Variants in FBXL13 observed in about 807,000 individuals in gnomAD.
FBXL13 encodes the protein F-box and leucine rich repeat protein 13.
FBXL13 carries 67 observed loss-of-function variants against 83.6 expected under a neutral mutation model. The observed-to-expected ratio is 0.80, with a 90% confidence interval of 0.66 to 0.98. The LOEUF is 0.98. Among genes scored for constraint, FBXL13 ranks in the 50% least tolerant of loss-of-function variants. FBXL13 has a pLI of 0.00. For synonymous variants in FBXL13, 272 were observed against 299.5 expected, an observed-to-expected ratio of 0.91 and a Z score of 0.95; for missense variants, 822 against 866.5, an observed-to-expected ratio of 0.95 and a Z score of 0.64.
chr7:103,015,696 T>G lies in FBXL13; in HGVS notation c.495+9367A>C, dbSNP rs545474231. Among the ~76,000 whole-genome samples, 3 of 150,186 alleles carry G rather than the reference T, an allele frequency of 2.0e-5. No individual in the cohort carries two copies. In the East Asian group the frequency reaches 5.9e-4, roughly 30 times the overall value. On this transcript the variant is annotated intron_variant, in intron 6 of 19. Transcript: ENST00000313221. The stretch of plus-strand genomic sequence containing the variant: ...CCTGTAATTCCAGTTATTTGGGTGG[T>G]TGAGGCATGAGAATTGCTTGAACCC...
intron 1 of FBXL13, among the ~76,000 whole-genome samples, chr7:103,064,754 T>A (rs1401290931): frequency 1.4e-4 from 21 of 152,216 alleles, no homozygotes; most frequent in Admixed American, 1.4e-3. Flanking sequence ...CTTCCAAATC[T>A]AGATCATAAA....
intron 14 of FBXL13, among the ~76,000 whole-genome samples, chr7:102,879,469 G>T (rs1351367670): frequency 2.0e-5 from 3 of 151,812 alleles, no homozygotes; most frequent in Non-Finnish European, 2.9e-5. Context: ...GTGTGTGTGT[G>T]TGTAGAAATT....
intron 6 of FBXL13, among the ~76,000 whole-genome samples, chr7:103,024,475 T>C (rs1394384042): frequency 7.2e-6 from 1 of 138,596 alleles, no homozygotes; most frequent in African/African-American, 2.7e-5. Flanking sequence ...TGCAGTGAGC[T>C]GAGATTGCAC....
intron 6 of FBXL13, among the ~76,000 whole-genome samples, chr7:103,022,016 A>C (rs1443008191): frequency 6.6e-6 from 1 of 152,196 alleles, no homozygotes; most frequent in Non-Finnish European, 1.5e-5. Flanking sequence ...TGCTGCTATA[A>C]AGACACATGC....
At chr7:102,915,913 A>G (rs1815761625) in intron 10 of FBXL13, among the ~76,000 whole-genome samples, 1 of 152,206 alleles carries the variant, frequency 6.6e-6, no homozygotes, top group Non-Finnish European at 1.5e-5. Flanking sequence ...AATGTCCCAG[A>G]GACTGCTAAT....
At chr7:103,033,855 C>A (rs1379386839) in intron 2 of FBXL13, among the ~76,000 whole-genome samples, 1 of 150,186 alleles carries the variant, frequency 6.7e-6, no homozygotes, top group South Asian at 2.1e-4. Flanking sequence ...TCCTGCTGAT[C>A]GGTAGAGCCA....
intron 11 of FBXL13, among the ~76,000 whole-genome samples, chr7:102,904,299 C>G (rs1449450435): frequency 2.0e-5 from 3 of 152,030 alleles, no homozygotes; most frequent in Non-Finnish European, 2.9e-5. Context: ...ATCATAGCAG[C>G]CACTAATGAT....
chr7:102,986,017 G>GCCC (rs112694559), intron 6 of FBXL13, among the ~76,000 whole-genome samples: 25 of 147,930 alleles, frequency 1.7e-4, no homozygotes, highest in African/African-American at 6.0e-4. Flanking sequence ...CTGGCACGAT[G>GCCC]CCCCCCCCCC....
chr7:102,889,975 A>G (rs1811322955), intron 11 of FBXL13, among the ~76,000 whole-genome samples: 1 of 148,320 alleles, frequency 6.7e-6, no homozygotes, highest in African/African-American at 2.5e-5. Context: ...GATGCTATCA[A>G]CCAATAAGAT....
At chr7:102,827,763 G>T (rs1005251356) in intron 18 of FBXL13, among the ~76,000 whole-genome samples, 1 of 152,058 alleles carries the variant, frequency 6.6e-6, no homozygotes, top group Non-Finnish European at 1.5e-5. Flanking sequence ...ACCTATGAGT[G>T]AGAACATGCA....
chr7:103,021,393 T>C (rs1793153893), intron 6 of FBXL13, among the ~76,000 whole-genome samples: 1 of 152,124 alleles, frequency 6.6e-6, no homozygotes, highest in African/African-American at 2.4e-5. Flanking sequence ...GAAGAAAACC[T>C]AGGCAATACC....
At chr7:102,889,201 G>A (rs371517321) in intron 11 of FBXL13, among the ~76,000 whole-genome samples, 7 of 152,108 alleles carry the variant, frequency 4.6e-5, no homozygotes, top group African/African-American at 7.2e-5. Context: ...TTGTGTGATC[G>A]GAGAACAGGT....
chr7:102,822,479 G>C (rs7810924), intron 18 of FBXL13: 11,163 of 568,580 alleles, frequency 0.02, 551 homozygotes, highest in East Asian at 0.15. Context: ...TCTAGTCTTT[G>C]TCTTCTTATA....
intron 3 of FBXL13, among the ~76,000 whole-genome samples, chr7:103,029,133 T>G (rs1157781106): frequency 6.6e-6 from 1 of 152,036 alleles, no homozygotes; most frequent in African/African-American, 2.4e-5. Context: ...AAAGTTTTAT[T>G]TTTTAAGAAA....
At chr7:102,878,290 A>G (rs1584748162) in intron 15 of FBXL13, 41 bp downstream of exon 16, 1 of 1,529,294 alleles carries the variant, frequency 6.5e-7, no homozygotes, top group Non-Finnish European at 8.8e-7. Context: ...TATCAAATAT[A>G]CAATACTAAT....
intron 2 of FBXL13, among the ~76,000 whole-genome samples, chr7:103,049,188 G>A (rs1404730040): frequency 2.6e-5 from 4 of 152,048 alleles, no homozygotes; most frequent in African/African-American, 9.7e-5. Flanking sequence ...TTCATAGCTA[G>A]GTGGCATGGC....
chr7:102,932,045 G>T, intron 8 of FBXL13, 112 bp from the exon 10 acceptor site: 7 of 982,014 alleles, frequency 7.1e-6, no homozygotes, highest in Non-Finnish European at 1.0e-5. Context: ...CAAAAACCTT[G>T]GCAAGTAACA....
intron 11 of FBXL13, among the ~76,000 whole-genome samples, chr7:102,886,905 T>C (rs191343505): frequency 6.6e-6 from 1 of 152,282 alleles, no homozygotes; most frequent in East Asian, 1.9e-4. Context: ...GCCAGGCCTT[T>C]GGGTTGGATT....
intron 2 of FBXL13, among the ~76,000 whole-genome samples, chr7:103,043,698 A>G (rs1458898229): frequency 6.6e-6 from 1 of 151,892 alleles, no homozygotes; most frequent in Non-Finnish European, 1.5e-5. Context: ...ATTTTTAGTA[A>G]AGACAGGGTT....
Sources: allele counts gnomAD v4.1 joint callset (sites outside exome capture counted in the v4.1 genomes callset), GRCh38; gene constraint gnomAD v4.1.1; transcripts MANE v1.5; gene names NCBI Gene and HGNC (gene_info 2026-07-23, HGNC 2026-07-21).